The following LCORL variants were observed in gnomAD, a reference collection of about 807,000 sequenced individuals.
LCORL encodes the protein ligand dependent nuclear receptor corepressor like.
LCORL carries 41 observed loss-of-function variants against 141.8 expected under a neutral mutation model. The ratio of observed to expected loss-of-function variants is 0.29; its 90% CI spans 0.23 to 0.38. The LOEUF (loss-of-function observed/expected upper bound fraction) is 0.38. Ranked by LOEUF, LCORL falls within the 10% of genes least tolerant of loss-of-function variation. The pLI, the probability that LCORL is intolerant of heterozygous loss-of-function variation, is 1.00. For synonymous variants in LCORL, 618 were observed against 694.1 expected, an observed-to-expected ratio of 0.89 and a Z score of 1.72; for missense variants, 1,759 against 2,035.0, an observed-to-expected ratio of 0.86 and a Z score of 2.61.
chr4:17,994,025 G>C (rs1720493913), intron 1 of LCORL, among the ~76,000 whole-genome samples: 1 of 152,144 alleles, frequency 6.6e-6, no homozygotes, highest in South Asian at 2.1e-4. Flanking sequence ...GTTTTGCTTT[G>C]AGTGGTTGTT....
At chr4:17,865,995 G>C (rs1482830461) in intron 7 of LCORL, among the ~76,000 whole-genome samples, 1 of 152,158 alleles carries the variant, frequency 6.6e-6, no homozygotes, top group Non-Finnish European at 1.5e-5. Context: ...AAGTGCAATG[G>C]GGAGCCACTG....
At chr4:17,904,759 T>C (rs1021935825) in intron 5 of LCORL, among the ~76,000 whole-genome samples, 2 of 152,150 alleles carry the variant, frequency 1.3e-5, no homozygotes, top group Non-Finnish European at 2.9e-5. Flanking sequence ...TCCTGGCCAA[T>C]AGCACCCTGT....
chr4:17,957,423 G>A (rs1712890401), intron 4 of LCORL, among the ~76,000 whole-genome samples: 1 of 151,946 alleles, frequency 6.6e-6, no homozygotes, highest in Admixed American at 6.6e-5. Flanking sequence ...AACACTCAGA[G>A]AAGAGACTGA....
rs938004313 is a variant in LCORL, at chr4:18,021,229, A to AC, written c.154+368dup. Among the ~76,000 whole-genome samples the AC allele has an allele frequency of 1.6e-4, 24 of 152,060 alleles. No individual in the cohort carries two copies. Among genetic ancestry groups the AC allele is most frequent in the Non-Finnish European group, 3.4e-4 (23 of 67,952 alleles). Reference sequence around the variant, plus strand: ...CCGGCTCTCCTCCGCCAGGGCGCCGACCCACCGGGCCGCTTCCTCCGTCCT... The same window carrying AC: ...CCGGCTCTCCTCCGCCAGGGCGCCGACCCCACCGGGCCGCTTCCTCCGTCCT... On this transcript the variant is annotated intron_variant, in intron 1 of 7. Coordinates refer to ENST00000635767, the Ensembl canonical transcript of LCORL. The surrounding 1 kb of genome is among the most constrained non-coding windows in gnomAD (Gnocchi z 5.5).
intron 1 of LCORL, among the ~76,000 whole-genome samples, chr4:18,013,574 T>C (rs1344767198): frequency 6.6e-6 from 1 of 152,174 alleles, no homozygotes; most frequent in Non-Finnish European, 1.5e-5. Flanking sequence ...GTTACAATGA[T>C]AGGGGCTAAG....
intron 5 of LCORL, among the ~76,000 whole-genome samples, chr4:17,898,719 G>A (rs1227818478): frequency 6.8e-6 from 1 of 147,238 alleles, no homozygotes; most frequent in Non-Finnish European, 1.5e-5. Flanking sequence ...ACTAACCAGG[G>A]CACTACTGAT....
exon 7 of LCORL, chr4:17,875,510 C>G: frequency 8.1e-7 from 1 of 1,231,164 alleles, no homozygotes. Flanking sequence ...TTATGTTTAC[C>G]CTTCCTTCAG....
At chr4:17,873,528 T>C in exon 7 of LCORL, 1 of 1,234,016 alleles carries the variant, frequency 8.1e-7, no homozygotes, top group Non-Finnish European at 1.0e-6. Context: ...ACTATCAGGA[T>C]TCTTGTCAAA....
intron 6 of LCORL, among the ~76,000 whole-genome samples, chr4:17,879,294 T>C (rs1198187456): frequency 1.3e-5 from 2 of 151,100 alleles, no homozygotes; most frequent in African/African-American, 4.8e-5. Flanking sequence ...GAGGTAATAT[T>C]TCACTTATAT....
At chr4:17,864,595 G>A (rs962013493) in intron 7 of LCORL, among the ~76,000 whole-genome samples, 5 of 152,200 alleles carry the variant, frequency 3.3e-5, no homozygotes, top group Non-Finnish European at 5.9e-5. Flanking sequence ...AGAAAAAAGG[G>A]TGGAACAAAT....
rs1722892018 is a variant in LCORL, at chr4:17,846,046, T to G, written c.5603-145A>C. ...CATTTATCCTGAAAATACAACAGTT[T>G]TCTCTCCCGCCTACTTACTGAACTA... On this transcript the variant is annotated intron_variant, in intron 7 of 7. Transcript: ENST00000635767. 4.7e-6 allele frequency: 3 copies of G among 639,500 alleles called. No homozygotes were observed. In the Admixed American group the frequency reaches 8.9e-5, roughly 19 times the overall value. 39.6% of individuals were successfully genotyped at this position (639,500 alleles called of 1,614,324 possible). A position where few individuals can be genotyped will look rare whatever the true frequency, so the allele number is the denominator to read the frequency against.
intron 1 of LCORL, among the ~76,000 whole-genome samples, chr4:17,979,982 T>C (rs1360198924): frequency 6.6e-6 from 1 of 152,148 alleles, no homozygotes; most frequent in Non-Finnish European, 1.5e-5. Flanking sequence ...GAAGACCTCA[T>C]GCCATGGAAT....
At chr4:17,921,195 T>G (rs1299955895) in intron 4 of LCORL, among the ~76,000 whole-genome samples, 1 of 151,880 alleles carries the variant, frequency 6.6e-6, no homozygotes, top group African/African-American at 2.4e-5. Context: ...GGTTGATTTT[T>G]TTTTTGTATT....
intron 1 of LCORL, among the ~76,000 whole-genome samples, chr4:18,012,648 AG>A (rs1416942371): frequency 6.6e-6 from 1 of 152,066 alleles, no homozygotes; most frequent in Non-Finnish European, 1.5e-5. Flanking sequence ...ACCACATCTC[AG>A]TAACTTGATT....
At chr4:17,964,675 C>T (rs569082170) in intron 2 of LCORL, among the ~76,000 whole-genome samples, 2 of 152,060 alleles carry the variant, frequency 1.3e-5, no homozygotes, top group Admixed American at 6.6e-5. Context: ...CACCATACAA[C>T]GTAAGAAGAA....
chr4:17,879,387 ATAACT>A (rs1190860585), intron 6 of LCORL, among the ~76,000 whole-genome samples: 1 of 151,178 alleles, frequency 6.6e-6, no homozygotes, highest in Non-Finnish European at 1.5e-5. Flanking sequence ...GGAAAAAAAG[ATAACT>A]TTACTAGATT....
exon 7 of LCORL, chr4:17,874,040 G>C: frequency 8.1e-7 from 1 of 1,233,978 alleles, no homozygotes; most frequent in Non-Finnish European, 1.0e-6. Context: ...TTTTTCCTTG[G>C]AGTGGGATGT....
chr4:18,017,209 T>C (rs867380042), intron 1 of LCORL, among the ~76,000 whole-genome samples: 1 of 152,038 alleles, frequency 6.6e-6, no homozygotes, highest in East Asian at 1.9e-4. Flanking sequence ...TAAAAACAAC[T>C]GAGTAAATAA....
chr4:17,921,085 G>A (rs1208107069), intron 4 of LCORL, among the ~76,000 whole-genome samples: 1 of 152,038 alleles, frequency 6.6e-6, no homozygotes, highest in Non-Finnish European at 1.5e-5. Context: ...GGGCAGTGGC[G>A]CAATCTCGGC....
Sources: allele counts gnomAD v4.1 joint callset (sites outside exome capture counted in the v4.1 genomes callset), GRCh38; gene constraint gnomAD v4.1.1; non-coding constraint Gnocchi (gnomAD v3.1); transcripts MANE v1.5; gene names NCBI Gene and HGNC (gene_info 2026-07-23, HGNC 2026-07-21).